IL1RAPL2: variants seen among roughly 807,000 people sequenced by gnomAD.
IL1RAPL2 encodes X-linked interleukin-1 receptor accessory protein-like 2.
IL1RAPL2 carries 3 observed loss-of-function variants against 44.1 expected under a neutral mutation model. That is an observed-to-expected ratio of 0.07 (90% CI 0.03 to 0.18). IL1RAPL2 has a LOEUF of 0.18. Ranked by LOEUF, IL1RAPL2 falls within the 10% of genes least tolerant of loss-of-function variation. The pLI is 1.00. For synonymous variants in IL1RAPL2, 181 were observed against 178.8 expected (o/e 1.01, Z -0.10); for missense variants, 391 against 496.4 (o/e 0.79, Z 2.02).
At chrX:104,791,839 A>G (rs1265876501) in intron 2 of IL1RAPL2, among the ~76,000 whole-genome samples, 3 of 111,412 alleles carry the variant, frequency 2.7e-5, no homozygotes, top group African/African-American at 9.8e-5. Context: ...TTTGAGTGTT[A>G]AGAACCCTAT....
chrX:105,665,338 C>T (rs1392924516), intron 6 of IL1RAPL2, among the ~76,000 whole-genome samples: 8 of 76,261 alleles, frequency 1.0e-4, no homozygotes, highest in Non-Finnish European at 1.8e-4. Flanking sequence ...TTATTTTATG[C>T]GCGTGCGTGT....
chrX:104,932,290 C>T (rs1022190105), intron 2 of IL1RAPL2, among the ~76,000 whole-genome samples: 2 of 110,218 alleles, frequency 1.8e-5, no homozygotes, highest in African/African-American at 3.3e-5. Context: ...TGAGCCACCG[C>T]GCTCGGCCAC....
chrX:104,824,686 A>T (rs1921403146), intron 2 of IL1RAPL2, among the ~76,000 whole-genome samples: 2 of 111,992 alleles, frequency 1.8e-5, no homozygotes, highest in South Asian at 7.4e-4. Flanking sequence ...AGGTGTTTAT[A>T]GTATTTTCTG....
chrX:104,878,603 G>A (rs896426108), intron 2 of IL1RAPL2, among the ~76,000 whole-genome samples: 1 of 111,604 alleles, frequency 9.0e-6, no homozygotes. Flanking sequence ...TATTTAGATG[G>A]CTAATCATAG....
chrX:104,888,695 C>G (rs1923329692), intron 2 of IL1RAPL2, among the ~76,000 whole-genome samples: 1 of 111,368 alleles, frequency 9.0e-6, no homozygotes, highest in Non-Finnish European at 1.9e-5. Flanking sequence ...TCTCTATCAA[C>G]TTCTGCTTAC....
chrX:105,453,971 G>A (rs1040019305), intron 5 of IL1RAPL2, among the ~76,000 whole-genome samples: 1 of 111,780 alleles, frequency 8.9e-6, no homozygotes, highest in Non-Finnish European at 1.9e-5. Flanking sequence ...ATAAATAAGT[G>A]CGATTCAAGT....
At chrX:104,929,359 C>T (rs186014383) in intron 2 of IL1RAPL2, among the ~76,000 whole-genome samples, 100 of 111,707 alleles carry the variant, frequency 9.0e-4, no homozygotes, top group African/African-American at 3.1e-3. Flanking sequence ...AATCACACTG[C>T]GGGGGACCAC....
intron 5 of IL1RAPL2, among the ~76,000 whole-genome samples, chrX:105,459,459 TC>T (rs2036078763): frequency 8.9e-6 from 1 of 111,929 alleles, no homozygotes; most frequent in African/African-American, 3.2e-5. Flanking sequence ...GTTCTTGTTC[TC>T]CTTTAAAGGT....
chrX:104,658,228 A>G (rs1432416456), intron 1 of IL1RAPL2, among the ~76,000 whole-genome samples: 3 of 112,539 alleles, frequency 2.7e-5, no homozygotes, highest in South Asian at 3.7e-4. Context: ...ATGTCTGTCA[A>G]TGATAGGCTG....
chrX:105,074,914 T>C (rs1370425567), intron 2 of IL1RAPL2, among the ~76,000 whole-genome samples: 2 of 111,420 alleles, frequency 1.8e-5, no homozygotes, highest in Non-Finnish European at 3.8e-5. Flanking sequence ...TTTGCTGAAG[T>C]TGCTTATCAG....
At chrX:105,040,092 G>A (rs1458734763) in intron 2 of IL1RAPL2, among the ~76,000 whole-genome samples, 3 of 110,928 alleles carry the variant, frequency 2.7e-5, no homozygotes, top group African/African-American at 9.9e-5. Flanking sequence ...TAGCATGAAG[G>A]GTTGTTGAAT....
chrX:105,697,359 A>G (rs1388595022), intron 6 of IL1RAPL2, among the ~76,000 whole-genome samples: 1 of 110,772 alleles, frequency 9.0e-6, no homozygotes, highest in African/African-American at 3.3e-5. Flanking sequence ...GTAAAAATGC[A>G]TTATTAAATG....
chrX:104,632,059 T>C (rs1929663373), intron 1 of IL1RAPL2, among the ~76,000 whole-genome samples: 1 of 111,802 alleles, frequency 8.9e-6, no homozygotes, highest in East Asian at 2.8e-4. Flanking sequence ...TTTCTACATA[T>C]GGCTAGCCAG....
intron 5 of IL1RAPL2, among the ~76,000 whole-genome samples, chrX:105,282,979 A>G (rs1293346907): frequency 8.9e-6 from 1 of 111,920 alleles, no homozygotes; most frequent in Non-Finnish European, 1.9e-5. Context: ...ATTTTGTGCT[A>G]GTAAAATTAT....
At chrX:104,924,202 A>G (rs1924720426) in intron 2 of IL1RAPL2, among the ~76,000 whole-genome samples, 1 of 111,707 alleles carries the variant, frequency 9.0e-6, no homozygotes, top group Admixed American at 9.5e-5. Context: ...TGATAACAAT[A>G]CAATAATAGT....
At position 105,696,539 on chromosome X, in the gene IL1RAPL2, C is replaced by T. The variant is rs776811428; in HGVS notation, c.773-20828C>T. On this transcript the variant is annotated intron_variant, in intron 6 of 10. Transcript: ENST00000372582. ...ATGAATAAATATAGGACACCACATC[C>T]ACCCCCCCCACAAAAGTAATAAAAT... is the stretch of plus-strand genomic sequence containing the variant. Among the ~76,000 whole-genome samples the T allele has an allele frequency of 8.1e-5, 9 of 111,221 alleles. No individual in the cohort carries two copies. In the South Asian group the frequency reaches 2.7e-3, roughly 33 times the overall value.
At chrX:104,904,681 T>G (rs1416177605) in intron 2 of IL1RAPL2, among the ~76,000 whole-genome samples, 1 of 110,309 alleles carries the variant, frequency 9.1e-6, no homozygotes, top group Non-Finnish European at 1.9e-5. Flanking sequence ...ATGTGCCACA[T>G]TTTCTCAATC....
chrX:105,709,109 TTG>T (rs1281752134), intron 6 of IL1RAPL2, among the ~76,000 whole-genome samples: 7 of 112,162 alleles, frequency 6.2e-5, no homozygotes, highest in Non-Finnish European at 1.9e-5. Context: ...AAAAATTCCT[TTG>T]TCAAGCTGAG....
chrX:105,148,886 G>T (rs183011871), intron 2 of IL1RAPL2, among the ~76,000 whole-genome samples: 1 of 111,726 alleles, frequency 9.0e-6, no homozygotes, highest in Non-Finnish European at 1.9e-5. Flanking sequence ...TCTACCATTT[G>T]AAGACACAGC....
Sources: gnomAD v4.1 joint callset for allele counts (sites outside exome capture counted in the v4.1 genomes callset) on GRCh38, gnomAD v4.1.1 for gene constraint, MANE v1.5 for transcripts, NCBI Gene and HGNC (gene_info 2026-07-23, HGNC 2026-07-21) for gene names.